Variants in MARF1 observed in about 807,000 individuals in gnomAD.
MARF1 encodes the protein limkain-b1.
MARF1 carries 24 observed loss-of-function variants against 168.2 expected under a neutral mutation model. The observed-to-expected ratio is 0.14, with a 90% CI of 0.10 to 0.20. MARF1 has a LOEUF of 0.20. Among genes scored for constraint, MARF1 ranks in the 10% least tolerant of loss-of-function variants. MARF1 has a pLI of 1.00. For missense variants in MARF1, 1,744 were observed against 2,143.6 expected (o/e 0.81, Z 3.68); for synonymous variants, 868 against 822.4 (o/e 1.06, Z -0.95).
chr16:15,615,981 C>A lies in MARF1; in HGVS notation c.3102G>T (p.Glu1034Asp). 6.5e-7 allele frequency: 1 copy of A among 1,538,950 alleles called. No individual in the cohort carries two copies. The highest frequency in any genetic ancestry group is 8.8e-7 in the Non-Finnish European group (1 of 1,139,460). Residue 1034 changes from glutamate (E) to aspartate (D), a missense_variant, in exon 16 of 27, where the codon GAG becomes GAT. Glu to Asp is a conservative substitution (Grantham distance 45, BLOSUM62 2). Around this residue, in one of 7 missense-constraint regions of MARF1, gnomAD observed 543 missense variants for 742.1 expected, o/e 0.73. Transcript: ENST00000396368. ...LLSFPDCYIA[E>D]FGDLEVVQEN... ...CTTGCACTACTTCTAGATCGCCAAA[C>A]TCTGCAATGTAACAATCTGGAAAGC...
chr16:15,604,905 C>G (rs1775361137), intron 21 of MARF1, among the ~76,000 whole-genome samples: 1 of 152,184 alleles, frequency 6.6e-6, no homozygotes, highest in African/African-American at 2.4e-5. Context: ...ACAAGGCAAG[C>G]TGCATTTTTC....
chr16:15,599,995 G>C (rs942419776), intron 25 of MARF1, among the ~76,000 whole-genome samples: 1 of 152,124 alleles, frequency 6.6e-6, no homozygotes, highest in Non-Finnish European at 1.5e-5. Context: ...CTGATGTCTA[G>C]ATCCTTGGCT....
chr16:15,615,290 G>A (rs1044267618), intron 16 of MARF1, among the ~76,000 whole-genome samples: 1 of 151,852 alleles, frequency 6.6e-6, no homozygotes, highest in Non-Finnish European at 1.5e-5. Flanking sequence ...CAGCTCAGGA[G>A]TTCAAGAGCA....
chr16:15,639,378 T>A, intron 1 of MARF1, 87 bp from the exon 2 acceptor site: 1 of 858,006 alleles, frequency 1.2e-6, no homozygotes, highest in Non-Finnish European at 1.8e-6. Flanking sequence ...CACAGCTATA[T>A]TTACAGTCCT....
chr16:15,604,039 G>T (rs533391688), intron 22 of MARF1, 129 bp downstream of exon 22: 2 of 716,582 alleles, frequency 2.8e-6, no homozygotes, highest in South Asian at 1.9e-5. Flanking sequence ...GTCTCGGCGT[G>T]TTCATCCATG....
At position 15,625,003 on chromosome 16, in the gene MARF1, T is replaced by G; in HGVS notation, c.2111+13A>C. Reference sequence around the variant, plus strand: ...TTCAAGAAGCAGCTATGAGAAAGAGTAGTTTCACATACTTCTGACTGGTTT... The same window carrying G: ...TTCAAGAAGCAGCTATGAGAAAGAGGAGTTTCACATACTTCTGACTGGTTT... On this transcript the variant is annotated intron_variant, in intron 9 of 26. Transcript: ENST00000396368. 6.2e-7 allele frequency: 1 copy of G among 1,613,682 alleles called. No individual in the cohort carries two copies. Among genetic ancestry groups the G allele is most frequent in the African/African-American group, 1.3e-5 (1 of 74,940 alleles).
Position 15,615,946 on chromosome 16 carries a change from C to T in MARF1, c.3137G>A (p.Gly1046Glu). 1 of 1,579,142 alleles carries T rather than the reference C, an allele frequency of 6.3e-7. No homozygotes were observed. Among genetic ancestry groups the T allele is most frequent in the South Asian group, 1.2e-5 (1 of 86,362 alleles). Reference protein sequence around the residue: ...GDLEVVQENQGGVPLEHFITC... With the variant: ...GDLEVVQENQEGVPLEHFITC... Reference sequence around the variant, plus strand: ...AATGAAGTGTTCTAAGGGAACACCTCCTTGGTTTTCTTGCACTACTTCTAG... The same window carrying T: ...AATGAAGTGTTCTAAGGGAACACCTTCTTGGTTTTCTTGCACTACTTCTAG... The change falls in exon 16 of 27, where the codon GGA becomes GAA. Residue 1046 changes from glycine to glutamate, a missense_variant. Physicochemically the swap from Gly to Glu is moderately conservative, Grantham distance 98. Around this residue, in one of 7 missense-constraint regions of MARF1, gnomAD observed 543 missense variants for 742.1 expected, o/e 0.73. Coordinates refer to ENST00000396368, the MANE Select transcript of MARF1 (RefSeq NM_014647.4).
At chr16:15,610,622 C>T (rs987055277) in intron 19 of MARF1, 2 of 199,590 alleles carry the variant, frequency 1.0e-5, no homozygotes, top group Admixed American at 1.2e-4. Flanking sequence ...AATAAAGTAG[C>T]TCAGAGTTCA....
At position 15,624,830 on chromosome 16, in the gene MARF1, T is replaced by C; in HGVS notation, c.2209A>G (p.Ser737Gly). The C allele has an allele frequency of 6.2e-7, 1 of 1,614,200 alleles. No individual in the cohort carries two copies. The highest frequency in any genetic ancestry group is 8.5e-7 in the Non-Finnish European group (1 of 1,180,008). ...VFQVSYPSAF[S>G]KLVASRQVSP... ...ACTTGCCTGGATGCAACTAACTTGC[T>C]AAAAGCAGACGGGTAACTCACTTGG... The change falls in exon 10 of 27, where the codon AGC (serine) becomes GGC (glycine). Residue 737 changes from serine to glycine, a missense_variant. Transcript: ENST00000396368.
Position 15,611,069 on chromosome 16 carries a change from A to G in MARF1, c.3657T>C (p.Val1219=). Residue 1219 remains valine, a synonymous_variant, in exon 19 of 27, where the codon GTT becomes GTC. Transcript: ENST00000396368. ...SKDWDVTEYG[V]CELIDIVSEI... ...CTGATACGATGTCAATCAACTCACA[A>G]ACACCATATTCAGTGACATCCCAGT... 1.2e-6 allele frequency: 2 copies of G among 1,613,838 alleles called. No individual in the cohort carries two copies.
At chr16:15,627,057 G>A (rs571084821) in intron 7 of MARF1, among the ~76,000 whole-genome samples, 4 of 151,722 alleles carry the variant, frequency 2.6e-5, no homozygotes, top group Admixed American at 6.6e-5. Flanking sequence ...ACAAACGAAC[G>A]AACGAACGAA....
intron 2 of MARF1, 57 bp downstream of exon 2, chr16:15,639,033 C>A: frequency 6.5e-7 from 1 of 1,535,062 alleles, no homozygotes; most frequent in South Asian, 1.2e-5. Context: ...CCAAATGGAC[C>A]TCTCTCATCT....
At chr16:15,599,663 A>G (rs1462619556) in intron 25 of MARF1, among the ~76,000 whole-genome samples, 1 of 152,174 alleles carries the variant, frequency 6.6e-6, no homozygotes, top group African/African-American at 2.4e-5. Flanking sequence ...GTCCTTCAGA[A>G]AAGTTAGAAC....
chr16:15,607,812 C>G (rs1408153903), intron 21 of MARF1, among the ~76,000 whole-genome samples: 2 of 152,222 alleles, frequency 1.3e-5, no homozygotes, highest in Non-Finnish European at 2.9e-5. Context: ...GCTGCCCTCT[C>G]TACTACAGCT....
At chr16:15,636,384 C>T in intron 2 of MARF1, 42 bp from the exon 3 acceptor site, 2 of 1,483,472 alleles carry the variant, frequency 1.3e-6, no homozygotes, top group Non-Finnish European at 1.8e-6. Flanking sequence ...TTTATGAGGT[C>T]CGTGGTTTTT....
chr16:15,633,566 T>A, intron 5 of MARF1, 51 bp downstream of exon 5: 2 of 1,316,830 alleles, frequency 1.5e-6, no homozygotes, highest in Non-Finnish European at 1.1e-6. Context: ...CAAACAAATA[T>A]CTGCTTATTC....
chr16:15,611,455 A>AC, intron 18 of MARF1, 137 bp downstream of exon 18: 6 of 798,734 alleles, frequency 7.5e-6, no homozygotes, highest in South Asian at 2.1e-5. Flanking sequence ...TCAAAAAAAA[A>AC]AAAAAAAAAA....
intron 11 of MARF1, among the ~76,000 whole-genome samples, 159 bp from the exon 12 acceptor site, chr16:15,622,070 G>A (rs2034503132): frequency 6.6e-6 from 1 of 152,302 alleles, no homozygotes; most frequent in East Asian, 1.9e-4. Flanking sequence ...ACGTAAGAAA[G>A]TGAGGATAGG....
At chr16:15,640,210 T>C (rs1318264665) in intron 1 of MARF1, among the ~76,000 whole-genome samples, 1 of 152,246 alleles carries the variant, frequency 6.6e-6, no homozygotes, top group African/African-American at 2.4e-5. Context: ...GGTTTCTTGA[T>C]CTGAGCATGA....
Sources: gnomAD v4.1 joint callset for allele counts (sites outside exome capture counted in the v4.1 genomes callset) on GRCh38, gnomAD v4.1.1 for gene constraint, gnomAD v4.1.1 regional missense constraint, MANE v1.5 for transcripts, NCBI Gene and HGNC (gene_info 2026-07-23, HGNC 2026-07-21) for gene names.